Variants in DLGAP2 observed in about 807,000 individuals in gnomAD.
DLGAP2 encodes disks large-associated protein 2.
Under a neutral mutation model 100.3 loss-of-function variants are expected in DLGAP2, and 26 were observed. That is an observed-to-expected ratio of 0.26 (90% CI 0.19 to 0.36). DLGAP2 has a LOEUF of 0.36. DLGAP2 is among the 10% of genes least tolerant of loss of function. The pLI, the probability that DLGAP2 is intolerant of heterozygous loss-of-function variation, is 1.00. For missense variants in DLGAP2, 1,858 were observed against 1,453.2 expected (o/e 1.28, Z -4.53); for synonymous variants, 886 against 630.1 (o/e 1.41, Z -6.08).
intron 1 of DLGAP2, among the ~76,000 whole-genome samples, chr8:790,504 G>C (rs774492550): frequency 1.3e-5 from 2 of 152,294 alleles, no homozygotes; most frequent in East Asian, 3.9e-4. Context: ...TCAGAATGTA[G>C]CAAGACCAGC....
At chr8:1,185,120 C>T (rs944576741) in intron 2 of DLGAP2, among the ~76,000 whole-genome samples, 44 of 152,084 alleles carry the variant, frequency 2.9e-4, no homozygotes, top group African/African-American at 9.7e-4. Context: ...CAGAGGAGCA[C>T]CCTGGCACTG....
chr8:1,081,609 C>T (rs369471695), intron 2 of DLGAP2, among the ~76,000 whole-genome samples: 18 of 152,288 alleles, frequency 1.2e-4, no homozygotes, highest in African/African-American at 4.3e-4. Flanking sequence ...CCTTGGCCTC[C>T]CAAAGTGCAT....
At chr8:1,317,278 TCTACACTC>T (rs1800778807) in intron 3 of DLGAP2, among the ~76,000 whole-genome samples, 1 of 138,070 alleles carries the variant, frequency 7.2e-6, no homozygotes, top group African/African-American at 2.8e-5. Context: ...CCAACAGTGG[TCTACACTC>T]GAGAAACTCG....
chr8:1,692,612 AT>A (rs1324148019), intron 13 of DLGAP2, among the ~76,000 whole-genome samples: 11 of 152,180 alleles, frequency 7.2e-5, no homozygotes, highest in Admixed American at 7.2e-4. Flanking sequence ...AACAAGGGAA[AT>A]TTCTATTACG....
At chr8:1,092,576 G>T (rs1804221641) in intron 2 of DLGAP2, among the ~76,000 whole-genome samples, 1 of 152,214 alleles carries the variant, frequency 6.6e-6, no homozygotes, top group Admixed American at 6.5e-5. Flanking sequence ...TCCACAGGTG[G>T]ACCCACTTCA....
chr8:854,655 G>C (rs957028594), intron 1 of DLGAP2, among the ~76,000 whole-genome samples: 1 of 151,460 alleles, frequency 6.6e-6, no homozygotes, highest in Non-Finnish European at 1.5e-5. Context: ...GCATGTGTCT[G>C]TGTGTGTTCA....
Position 1,026,416 on chromosome 8 carries a change from G to A in DLGAP2, c.73+118450G>A, listed in dbSNP as rs1360945133. Among the ~76,000 whole-genome samples, 5 of 152,136 alleles carry A rather than the reference G, an allele frequency of 3.3e-5. No homozygotes were observed. In the East Asian group the frequency reaches 9.6e-4, roughly 29 times the overall value. On this transcript the variant is annotated intron_variant, in intron 2 of 14. Transcript: ENST00000637795. ...GGCTTTGTGGACGAGGACGCCCGCCGCCTTGGCTGCACCCTGGAATGCCTT... is the reference window on the plus strand; with the variant it reads ...GGCTTTGTGGACGAGGACGCCCGCCACCTTGGCTGCACCCTGGAATGCCTT...
intron 3 of DLGAP2, among the ~76,000 whole-genome samples, chr8:1,373,403 TC>T (rs1802299760): frequency 6.6e-6 from 1 of 152,008 alleles, no homozygotes; most frequent in Non-Finnish European, 1.5e-5. Context: ...GCCGCTTGCG[TC>T]CCCGGGCTTC....
chr8:1,053,252 G>T (rs564088478), intron 2 of DLGAP2, among the ~76,000 whole-genome samples: 1 of 152,226 alleles, frequency 6.6e-6, no homozygotes, highest in Non-Finnish European at 1.5e-5. Context: ...CAGTCTATTT[G>T]GGCAAATTAT....
chr8:1,422,692 A>G (rs1797129028), intron 3 of DLGAP2, among the ~76,000 whole-genome samples: 1 of 152,128 alleles, frequency 6.6e-6, no homozygotes, highest in South Asian at 2.1e-4. Context: ...GGTGGTACAC[A>G]GCAGGTGCTC....
chr8:1,449,498 G>T (rs1428339451), intron 3 of DLGAP2, among the ~76,000 whole-genome samples: 1 of 152,170 alleles, frequency 6.6e-6, no homozygotes, highest in Non-Finnish European at 1.5e-5. Context: ...ATGGACCTGG[G>T]ATGTCAGAGG....
At chr8:1,357,271 G>A (rs967574204) in intron 3 of DLGAP2, among the ~76,000 whole-genome samples, 3 of 152,176 alleles carry the variant, frequency 2.0e-5, no homozygotes, top group East Asian at 1.9e-4. Context: ...GAGAAGGGGT[G>A]TCCTTCAGGG....
intron 1 of DLGAP2, among the ~76,000 whole-genome samples, chr8:759,014 A>G (rs1278833501): frequency 4.0e-5 from 6 of 148,932 alleles, no homozygotes; most frequent in South Asian, 4.4e-4. Context: ...CCTTCCCATT[A>G]TCAATACCCC....
chr8:1,444,744 C>A (rs1797934178), intron 3 of DLGAP2, among the ~76,000 whole-genome samples: 4 of 144,140 alleles, frequency 2.8e-5, no homozygotes, highest in Non-Finnish European at 4.5e-5. Flanking sequence ...GTAGGCATTT[C>A]ATGATCATGC....
chr8:1,425,633 A>C (rs972788170), intron 3 of DLGAP2, among the ~76,000 whole-genome samples: 1 of 152,194 alleles, frequency 6.6e-6, no homozygotes, highest in Non-Finnish European at 1.5e-5. Context: ...ATGGTCTTCC[A>C]CAAGCCTAGA....
intron 2 of DLGAP2, among the ~76,000 whole-genome samples, chr8:1,202,942 G>A (rs776452782): frequency 3.3e-5 from 5 of 152,172 alleles, no homozygotes; most frequent in South Asian, 4.1e-4. Context: ...GAGCACATGC[G>A]CTCCCGAGAA....
chr8:1,371,690 T>C (rs1308257875), intron 3 of DLGAP2, among the ~76,000 whole-genome samples: 1 of 152,210 alleles, frequency 6.6e-6, no homozygotes, highest in Non-Finnish European at 1.5e-5. Context: ...ACAGGACATC[T>C]CAGGGCTGAG....
intron 1 of DLGAP2, among the ~76,000 whole-genome samples, chr8:864,144 T>C (rs778082307): frequency 2.6e-5 from 4 of 152,086 alleles, no homozygotes; most frequent in Admixed American, 1.3e-4. Context: ...TCTCAGCAGA[T>C]CTCACAGGAG....
intron 1 of DLGAP2, among the ~76,000 whole-genome samples, chr8:817,753 G>A (rs938362111): frequency 2.0e-5 from 3 of 152,180 alleles, no homozygotes; most frequent in Non-Finnish European, 4.4e-5. Flanking sequence ...CCAGCCACCC[G>A]GTGGAGCTAC....
Sources: gnomAD v4.1 joint callset for allele counts (sites outside exome capture counted in the v4.1 genomes callset) on GRCh38, gnomAD v4.1.1 for gene constraint, MANE v1.5 for transcripts, NCBI Gene and HGNC (gene_info 2026-07-23, HGNC 2026-07-21) for gene names.